The following AATK variants were observed in gnomAD, a reference collection of about 807,000 sequenced individuals.
The protein encoded by AATK is serine/threonine-protein kinase LMTK1.
AATK carries 91 observed loss-of-function variants against 114.3 expected under a neutral mutation model. The ratio of observed to expected loss-of-function variants is 0.80; its 90% CI spans 0.67 to 0.95. The LOEUF is 0.95. Among genes scored for constraint, AATK ranks in the 40% least tolerant of loss-of-function variants. AATK has a pLI of 0.00. For synonymous variants in AATK, 1,075 were observed against 916.5 expected, an observed-to-expected ratio of 1.17 and a Z score of -3.12; for missense variants, 2,176 against 1,965.2, an observed-to-expected ratio of 1.11 and a Z score of -2.03.
chr17:81,125,025 G>A lies in AATK; in HGVS notation c.756-11C>T, dbSNP rs753962939. On this transcript the variant is annotated splice_polypyrimidine_tract_variant and intron_variant, in intron 7 of 13. Transcript: ENST00000326724. ...CGCAGGGCCAGGTCGCTGCAGGCAG[G>A]GGCAGGGGCAGGGGCAGGGTGAGCA... The A allele has an allele frequency of 1.4e-6, 2 of 1,459,090 alleles. No homozygotes were observed. Among genetic ancestry groups the A allele is most frequent in the Non-Finnish European group, 1.8e-6 (2 of 1,100,854 alleles). 90.4% of individuals were successfully genotyped at this position (1,459,090 alleles called of 1,614,324 possible).
chr17:81,122,625 G>A lies in AATK; in HGVS notation c.1311C>T (p.Gly437=), dbSNP rs776949776. 6.1e-5 allele frequency: 87 copies of A among 1,417,864 alleles called. 2 individuals are homozygous for A. In the South Asian group the frequency reaches 6.8e-4, roughly 11 times the overall value. 87.8% of individuals were successfully genotyped at this position (1,417,864 alleles called of 1,614,324 possible). The change falls in exon 11 of 14, where the codon GGC becomes GGT. Residue 437 remains glycine (G), a synonymous_variant. Coordinates refer to ENST00000326724, the MANE Select transcript of AATK (RefSeq NM_001080395.3). ...ACGAGGCAGCGGCGAGCTCCACCAC[G>A]CCGCCCAGCATGGGCCCCGCCGCAC... ...GPGAAGPMLG[G]VVELAAASSF...
Position 81,121,706 on chromosome 17 carries a change from C to T in AATK, c.2230G>A (p.Gly744Ser), listed in dbSNP as rs370949748. 4.1e-4 allele frequency: 608 copies of T among 1,493,080 alleles called. No homozygotes were observed. The highest frequency in any genetic ancestry group is 5.1e-4 in the Non-Finnish European group (576 of 1,125,550). The allele number at this position is 1,493,080 out of a possible 1,614,324, so 92.5% of individuals were successfully genotyped here. Residue 744 changes from glycine (G) to serine (S), a missense_variant, in exon 11 of 14, where the codon GGC (glycine) becomes AGC (serine). Transcript: ENST00000326724. ...ASAQEPGCCP[G>S]LPHLCSAQGL... is the part of the protein sequence containing the mutation. ...TGGGCAGAGCATAGATGAGGGAGGC[C>T]GGGGCAGCAGCCTGGCTCCTGGGCA... is the stretch of plus-strand genomic sequence containing the variant.
At chr17:81,149,819 G>A (rs1348099396) in intron 1 of AATK, among the ~76,000 whole-genome samples, 1 of 152,162 alleles carries the variant, frequency 6.6e-6, no homozygotes, top group Non-Finnish European at 1.5e-5. Context: ...ACGGCAGTCA[G>A]CCCCCATCAG....
At chr17:81,158,110 C>T (rs575588630) in intron 1 of AATK, among the ~76,000 whole-genome samples, 48 of 152,180 alleles carry the variant, frequency 3.2e-4, no homozygotes, top group Non-Finnish European at 6.3e-4. Context: ...ATGCCGGCCA[C>T]GGGTATTTCT....
At position 81,122,659 on chromosome 17, in the gene AATK, G is replaced by C; in HGVS notation, c.1277C>G (p.Pro426Arg). 1.3e-6 allele frequency: 2 copies of C among 1,497,772 alleles called. No individual in the cohort carries two copies. Among genetic ancestry groups the C allele is most frequent in the Middle Eastern group, 1.8e-4 (1 of 5,666 alleles). 92.8% of individuals were successfully genotyped at this position (1,497,772 alleles called of 1,614,324 possible). A position where few individuals can be genotyped will look rare whatever the true frequency, so the allele number is the denominator to read the frequency against. The part of the protein sequence containing the change: ...SLRPGGGGVG[P>R]GPGAAGPMLG... ...CATGGGCCCCGCCGCACCGGGCCCG[G>C]GCCCCACGCCGCCCCCGCCGGGCCG... The change falls in exon 11 of 14, where the codon CCC (proline) becomes CGC (arginine). Residue 426 changes from proline (P) to arginine (R), a missense_variant. Pro to Arg is a moderately radical substitution (Grantham distance 103). Transcript: ENST00000326724.
Position 81,121,173 on chromosome 17 carries a change from G to A in AATK, c.2763C>T (p.Ser921=), listed in dbSNP as rs2060694940. The A allele has an allele frequency of 6.2e-7, 1 of 1,602,382 alleles. No individual in the cohort carries two copies. ...SASDGGYEVF[S]PSATGPSGGQ... ...CTCCAGAGGGGCCAGTGGCCGACGGGCTGAAGACCTCATAGCCACCATCAC... is the reference window on the plus strand; with the variant it reads ...CTCCAGAGGGGCCAGTGGCCGACGGACTGAAGACCTCATAGCCACCATCAC... The change falls in exon 11 of 14, where the codon AGC becomes AGT. Residue 921 remains serine (S), a synonymous_variant. Coordinates refer to ENST00000326724, the MANE Select transcript of AATK (RefSeq NM_001080395.3).
At position 81,122,413 on chromosome 17, in the gene AATK, G is replaced by T; in HGVS notation, c.1523C>A (p.Pro508His). The T allele has an allele frequency of 6.8e-7, 1 of 1,463,806 alleles. No individual in the cohort carries two copies. Among genetic ancestry groups the T allele is most frequent in the Non-Finnish European group, 9.0e-7 (1 of 1,111,116 alleles). The allele number at this position is 1,463,806 out of a possible 1,614,324, so 90.7% of individuals were successfully genotyped here. Residue 508 changes from proline (P) to histidine (H), a missense_variant, in exon 11 of 14, where the codon CCC becomes CAC. This residue lies in a region of AATK where 1,701 missense variants were observed against 1,394.7 expected (regional missense o/e 1.22). Coordinates refer to ENST00000326724, the MANE Select transcript of AATK (RefSeq NM_001080395.3). ...AACCACGCCCGGGGGCGCGCCGTCG[G>T]GGGCGCACAGCTCCTGCAGGCGTGC... ...RTARLQELCA[P>H]DGAPPGVVPV...
In AATK at chr17:81,124,925, C is replaced by T. The variant is rs1023274873; in HGVS notation, c.840+5G>A. The stretch of plus-strand genomic sequence containing the variant: ...GCCCAGCCCAGCCCACCCCACCCCA[C>T]TCACTCTGTACTTGCAGTGAGCCAG... On this transcript the variant is annotated splice_donor_5th_base_variant and intron_variant, in intron 8 of 13. Coordinates refer to ENST00000326724, the MANE Select transcript of AATK (RefSeq NM_001080395.3). 6.4e-7 allele frequency: 1 copy of T among 1,564,454 alleles called. No homozygotes were observed. The highest frequency in any genetic ancestry group is 8.7e-7 in the Non-Finnish European group (1 of 1,153,688).
chr17:81,162,136 G>A lies in AATK; in HGVS notation c.55+3802C>T, dbSNP rs114108682. 1.7e-3 allele frequency among the ~76,000 whole-genome samples: 254 copies of A among 152,172 alleles called. 1 individual carries two copies. Among genetic ancestry groups the A allele is most frequent in the African/African-American group, 5.7e-3 (238 of 41,530 alleles). ...CGAGTGCCCGCACCCATGCTGGTAGGTGGGAGCCGGACCCGTGCCCAGGGC... is the reference window on the plus strand; with the variant it reads ...CGAGTGCCCGCACCCATGCTGGTAGATGGGAGCCGGACCCGTGCCCAGGGC... On this transcript the variant is annotated intron_variant, in intron 1 of 13. Transcript: ENST00000326724.
chr17:81,119,256 A>AGGAGCGGAGCGGAGC (rs10655340), intron 13 of AATK, 124 bp downstream of exon 13: 41 of 948,430 alleles, frequency 4.3e-5, no homozygotes, highest in African/African-American at 3.6e-4. Context: ...GGGGCCGGGA[A>AGGAGCGGAGCGGAGC]GGAGCGGAGC....
intron 1 of AATK, among the ~76,000 whole-genome samples, chr17:81,145,313 A>G (rs1178571994): frequency 2.0e-5 from 3 of 152,084 alleles, no homozygotes; most frequent in Admixed American, 6.6e-5. Flanking sequence ...AAATGATTCT[A>G]AGATAGATTA....
At chr17:81,149,453 C>G (rs1292782685) in intron 1 of AATK, among the ~76,000 whole-genome samples, 1 of 150,618 alleles carries the variant, frequency 6.6e-6, no homozygotes, top group African/African-American at 2.4e-5. Context: ...GGAAACCCAA[C>G]CTCCAATCCC....
chr17:81,121,550 G>A lies in AATK; in HGVS notation c.2386C>T (p.Leu796Phe), dbSNP rs1172096941. 1 of 1,527,354 alleles carries A rather than the reference G, an allele frequency of 6.5e-7. No individual in the cohort carries two copies. The highest frequency in any genetic ancestry group is 8.8e-7 in the Non-Finnish European group (1 of 1,136,822). 94.6% of individuals were successfully genotyped at this position (1,527,354 alleles called of 1,614,324 possible). Residue 796 changes from leucine to phenylalanine, a missense_variant, in exon 11 of 14, where the codon CTT becomes TTT. By Grantham distance (22) the Leu-to-Phe change is conservative (BLOSUM62 0). This residue lies in a region of AATK where 1,701 missense variants were observed against 1,394.7 expected (regional missense o/e 1.22). Coordinates refer to ENST00000326724, the MANE Select transcript of AATK (RefSeq NM_001080395.3). Reference sequence around the variant, plus strand: ...TGGGATGGGGAGGGGACGGAAGGAAGGGGCAGGCGGGGTCCGGTAGTGCCC... The same window carrying A: ...TGGGATGGGGAGGGGACGGAAGGAAAGGGCAGGCGGGGTCCGGTAGTGCCC... Reference protein sequence around the residue: ...AEGTTGPRLPLPSVPSPSQEG... With the variant: ...AEGTTGPRLPFPSVPSPSQEG...
intron 1 of AATK, among the ~76,000 whole-genome samples, chr17:81,153,402 T>C (rs1376985235): frequency 6.6e-6 from 1 of 152,186 alleles, no homozygotes; most frequent in Non-Finnish European, 1.5e-5. Flanking sequence ...GTTTGTCTTT[T>C]CTGTTCAGCC....
chr17:81,125,484 T>G, intron 7 of AATK: 1 of 360,510 alleles, frequency 2.8e-6, no homozygotes, highest in Non-Finnish European at 5.7e-6. Context: ...AGCCCTGCCA[T>G]GCCCACTCAG....
intron 1 of AATK, among the ~76,000 whole-genome samples, chr17:81,145,315 G>A (rs992877837): frequency 3.3e-5 from 5 of 151,220 alleles, no homozygotes; most frequent in East Asian, 1.9e-4. Flanking sequence ...ATGATTCTAA[G>A]ATAGATTACA....
In AATK at chr17:81,122,817, C is replaced by T. The variant is rs1032793801; in HGVS notation, c.1119G>A (p.Glu373=). The T allele has an allele frequency of 6.5e-6, 10 of 1,540,988 alleles. No individual in the cohort carries two copies. The highest frequency in any genetic ancestry group is 8.8e-6 in the Non-Finnish European group (10 of 1,141,110). ...GCTGCAGCCAGCAGAACTGCATCAC[C>T]TCGTACCTGCGAGGAGGTCCCCCGG... ...LQLTLSDRWY[E]VMQFCWLQPE... The change falls in exon 11 of 14, where the codon GAG becomes GAA. Residue 373 remains glutamate, a synonymous_variant. Transcript: ENST00000326724.
In AATK at chr17:81,121,842, G is replaced by A. The variant is rs55846463; in HGVS notation, c.2094C>T (p.Pro698=). Reference sequence around the variant, plus strand: ...CCTCAGCGTGGCCGCCCGCAGAGACGGGGTCCCAGGACTCTGGACAGCGGC... The same window carrying A: ...CCTCAGCGTGGCCGCCCGCAGAGACAGGGTCCCAGGACTCTGGACAGCGGC... ...SGSRCPESWD[P]VSAGGHAEGC... Residue 698 remains proline, a synonymous_variant, in exon 11 of 14, where the codon CCC becomes CCT. Transcript: ENST00000326724. 119 of 1,594,544 alleles carry A rather than the reference G, an allele frequency of 7.5e-5. No individual in the cohort carries two copies. The African/African-American group carries it at 1.2e-3, about 16-fold the overall frequency.
chr17:81,134,148 A>G (rs751468701), intron 2 of AATK, among the ~76,000 whole-genome samples: 12 of 152,186 alleles, frequency 7.9e-5, no homozygotes, highest in South Asian at 2.1e-4. Flanking sequence ...CGCCCCCCAC[A>G]GAGGGCCTCA....
Sources: allele counts gnomAD v4.1 joint callset (sites outside exome capture counted in the v4.1 genomes callset), GRCh38; gene constraint gnomAD v4.1.1; regional missense constraint gnomAD v4.1.1; transcripts MANE v1.5; gene names NCBI Gene and HGNC (gene_info 2026-07-23, HGNC 2026-07-21).